CRADD: variants seen among roughly 807,000 people sequenced by gnomAD.
CRADD encodes death domain-containing protein CRADD.
CRADD carries 9 observed loss-of-function variants against 15.5 expected under a neutral mutation model. The ratio of observed to expected loss-of-function variants is 0.58; its 90% confidence interval spans 0.35 to 1.01. CRADD has a LOEUF of 1.01. CRADD is among the 50% of genes least tolerant of loss of function. The pLI, the probability that CRADD is intolerant of heterozygous loss-of-function variation, is 0.02. For synonymous variants in CRADD, 118 were observed against 107.6 expected (o/e 1.10, Z -0.60); for missense variants, 227 against 250.3 (o/e 0.91, Z 0.63).
intron 2 of CRADD, among the ~76,000 whole-genome samples, chr12:93,756,506 G>C (rs760106116): frequency 6.6e-6 from 1 of 152,228 alleles, no homozygotes; most frequent in Non-Finnish European, 1.5e-5. Context: ...GAGGAGATAA[G>C]ACAGAGCCTG....
At chr12:93,826,822 G>T (rs1204575379) in intron 2 of CRADD, 2 of 152,200 alleles carry the variant, frequency 1.3e-5, no homozygotes, top group Non-Finnish European at 2.9e-5. Flanking sequence ...GTCAGGTATG[G>T]CTGGCAAGCA....
At chr12:93,759,222 T>C (rs1956923079) in intron 2 of CRADD, among the ~76,000 whole-genome samples, 3 of 152,162 alleles carry the variant, frequency 2.0e-5, no homozygotes. Flanking sequence ...ATTGTTGATA[T>C]AATCTTGCCT....
At chr12:93,747,238 C>G (rs1479439356) in intron 2 of CRADD, among the ~76,000 whole-genome samples, 1 of 152,070 alleles carries the variant, frequency 6.6e-6, no homozygotes, top group Non-Finnish European at 1.5e-5. Context: ...TGGAGTGTTT[C>G]CATCAGGCTG....
intron 2 of CRADD, among the ~76,000 whole-genome samples, chr12:93,728,219 G>C (rs139193275): frequency 1.2e-3 from 181 of 152,314 alleles, no homozygotes; most frequent in African/African-American, 4.2e-3. Flanking sequence ...AACAATTACA[G>C]CAGCTATCTA....
chr12:93,813,570 T>A (rs1331691625), intron 2 of CRADD, among the ~76,000 whole-genome samples: 6 of 152,256 alleles, frequency 3.9e-5, no homozygotes, highest in Non-Finnish European at 8.8e-5. Context: ...TTTCATTTGT[T>A]TCTTCTGTCC....
At chr12:93,777,123 CG>C (rs1957148794) in intron 2 of CRADD, among the ~76,000 whole-genome samples, 2 of 152,190 alleles carry the variant, frequency 1.3e-5, no homozygotes, top group Admixed American at 1.3e-4. Context: ...GTCATTCTCA[CG>C]GGCCTGTGGG....
intron 2 of CRADD, among the ~76,000 whole-genome samples, chr12:93,781,851 T>C (rs556044126): frequency 6.6e-6 from 1 of 152,330 alleles, no homozygotes; most frequent in Non-Finnish European, 1.5e-5. Context: ...TTGTTTTCAG[T>C]ATATAAATGC....
exon 3 of CRADD, chr12:93,894,267 T>TGG: frequency 6.9e-6 from 3 of 433,580 alleles, no homozygotes; most frequent in East Asian, 1.0e-4. Flanking sequence ...TGTATGTGTG[T>TGG]GGGTGGGCGG....
chr12:93,707,976 A>G (rs1219022626), intron 2 of CRADD: 1 of 152,222 alleles, frequency 6.6e-6, no homozygotes, highest in Admixed American at 6.5e-5. Flanking sequence ...CATGAATATA[A>G]TCTCAAAATA....
intron 2 of CRADD, among the ~76,000 whole-genome samples, chr12:93,789,321 T>G (rs1957323193): frequency 5.3e-5 from 8 of 152,130 alleles, no homozygotes; most frequent in Admixed American, 5.2e-4. Context: ...GTCCATCCAC[T>G]TTTCCTGAAC....
intron 2 of CRADD, among the ~76,000 whole-genome samples, chr12:93,819,630 T>C (rs1367758265): frequency 6.6e-6 from 1 of 152,210 alleles, no homozygotes; most frequent in East Asian, 1.9e-4. Context: ...TCAGGGCAAT[T>C]GTGAGAGGTA....
In CRADD at chr12:93,824,108, C is replaced by T. The variant is rs1302522775; in HGVS notation, c.299-25862C>T. ...GTGTTTTGTTTTTATTTGTAATACCCTACTTTGATGTTTCCTGGAAACTCT... is the reference window on the plus strand; with the variant it reads ...GTGTTTTGTTTTTATTTGTAATACCTTACTTTGATGTTTCCTGGAAACTCT... On this transcript the variant is annotated intron_variant, in intron 2 of 2. Coordinates refer to ENST00000332896, the MANE Select transcript of CRADD (RefSeq NM_003805.5). This position sits in a 1 kb window ranked among gnomAD's most constrained non-coding sequence, Gnocchi z 4.3. Among the ~76,000 whole-genome samples the T allele has an allele frequency of 6.6e-6, 1 of 152,172 alleles. No homozygotes were observed. Among genetic ancestry groups the T allele is most frequent in the African/African-American group, 2.4e-5 (1 of 41,442 alleles).
At chr12:93,761,340 G>A (rs1034266402) in intron 2 of CRADD, among the ~76,000 whole-genome samples, 1 of 152,150 alleles carries the variant, frequency 6.6e-6, no homozygotes, top group Admixed American at 6.5e-5. Flanking sequence ...GTGTCTTCAG[G>A]AGGACCAGTT....
At chr12:93,689,555 CT>C (rs1353073400) in intron 2 of CRADD, among the ~76,000 whole-genome samples, 1 of 152,094 alleles carries the variant, frequency 6.6e-6, no homozygotes, top group African/African-American at 2.4e-5. Flanking sequence ...TACTCCTAGG[CT>C]TTATTTTGTT....
rs192040992 is a variant in CRADD, at chr12:93,740,838, T to A, written c.298+61766T>A. On this transcript the variant is annotated intron_variant, in intron 2 of 2. Coordinates refer to ENST00000332896, the MANE Select transcript of CRADD (RefSeq NM_003805.5). ...GATAAAAAGAAGTATGTATATTTGA[T>A]GATTTTGTTGTAGAAAATACTTAAT... is the stretch of plus-strand genomic sequence containing the variant. Among the ~76,000 whole-genome samples, 730 of 152,344 alleles carry A rather than the reference T, an allele frequency of 4.8e-3. 9 individuals are homozygous for A. The highest frequency in any genetic ancestry group is 0.017 in the African/African-American group (699 of 41,574).
chr12:93,839,073 C>G (rs924846798), intron 2 of CRADD, among the ~76,000 whole-genome samples: 7 of 152,188 alleles, frequency 4.6e-5, no homozygotes, highest in African/African-American at 1.7e-4. Flanking sequence ...GGTGCCCGGC[C>G]TGGACATATA....
chr12:93,680,321 G>A (rs1296281694), intron 2 of CRADD, among the ~76,000 whole-genome samples: 1 of 152,098 alleles, frequency 6.6e-6, no homozygotes, highest in Non-Finnish European at 1.5e-5. Flanking sequence ...CAGACTTCGT[G>A]GTTGCTATTT....
At chr12:93,745,635 A>G (rs1375304893) in intron 2 of CRADD, among the ~76,000 whole-genome samples, 2 of 152,236 alleles carry the variant, frequency 1.3e-5, no homozygotes, top group Admixed American at 6.5e-5. Context: ...AATCTTAGCC[A>G]TATATCTCAG....
chr12:93,743,155 G>A (rs1276922997), intron 2 of CRADD, among the ~76,000 whole-genome samples: 5 of 152,090 alleles, frequency 3.3e-5, no homozygotes, highest in Admixed American at 3.3e-4. Flanking sequence ...CTAGTACTCC[G>A]ATAATGCCAG....
Sources: gnomAD v4.1 joint callset for allele counts (sites outside exome capture counted in the v4.1 genomes callset) on GRCh38, gnomAD v4.1.1 for gene constraint, Gnocchi (gnomAD v3.1) non-coding constraint, MANE v1.5 for transcripts, NCBI Gene and HGNC (gene_info 2026-07-23, HGNC 2026-07-21) for gene names.